Variants in CARNMT1 observed in about 807,000 individuals in gnomAD.
CARNMT1 encodes the protein carnosine N-methyltransferase 1.
CARNMT1 carries 28 observed loss-of-function variants against 49.6 expected under a neutral mutation model. The ratio of observed to expected loss-of-function variants is 0.56; its 90% CI spans 0.42 to 0.77. The LOEUF (loss-of-function observed/expected upper bound fraction) is 0.77, where lower values mean the gene tolerates loss of function less well. CARNMT1 is among the 30% of genes least tolerant of loss of function. The pLI is 0.00. For missense variants in CARNMT1, 421 were observed against 512.6 expected, an observed-to-expected ratio of 0.82 and a Z score of 1.73; for synonymous variants, 178 against 175.0, an observed-to-expected ratio of 1.02 and a Z score of -0.13.
At position 75,028,288 on chromosome 9, in the gene CARNMT1, G is replaced by A. The variant is rs919350306; in HGVS notation, c.-47C>T. On this transcript the variant is annotated 5_prime_UTR_variant, in exon 1 of 8. Transcript: ENST00000376834. ...GGCTCGCTTGCGTCTCTCCGCGACC[G>A]ACAGCGTGGTGGCGGCTGCTTGGCC... 6.7e-6 allele frequency: 9 copies of A among 1,340,164 alleles called. No homozygotes were observed. In the Admixed American group the frequency reaches 2.1e-4, roughly 31 times the overall value. 83.0% of individuals were successfully genotyped at this position (1,340,164 alleles called of 1,614,324 possible).
intron 6 of CARNMT1, chr9:74,991,770 G>C (rs987482695): frequency 1.3e-5 from 2 of 152,032 alleles, no homozygotes; most frequent in African/African-American, 4.8e-5. Flanking sequence ...AGAGTTATTC[G>C]GGTAAGGTGG....
Position 74,980,855 on chromosome 9 carries a change from T to C in CARNMT1, c.*2912A>G, listed in dbSNP as rs1047053475. 2.0e-5 allele frequency among the ~76,000 whole-genome samples: 3 copies of C among 152,166 alleles called. No homozygotes were observed. Among genetic ancestry groups the C allele is most frequent in the Non-Finnish European group, 4.4e-5 (3 of 68,010 alleles). On this transcript the variant is annotated 3_prime_UTR_variant, in exon 8 of 8. Transcript: ENST00000376834. ...TTGAATGAAACAAAGTGAAAATAGT[T>C]AGTATAAGGCCTGGCATATTATAAG...
At chr9:74,993,525 A>G (rs1833095115) in intron 6 of CARNMT1, among the ~76,000 whole-genome samples, 2 of 152,192 alleles carry the variant, frequency 1.3e-5, no homozygotes, top group Non-Finnish European at 2.9e-5. Flanking sequence ...AGGGCCGAAG[A>G]CAACTTGAAG....
intron 3 of CARNMT1, among the ~76,000 whole-genome samples, chr9:75,012,645 T>C (rs1833729706): frequency 6.6e-6 from 1 of 152,110 alleles, no homozygotes; most frequent in African/African-American, 2.4e-5. Flanking sequence ...GAATGATCCA[T>C]GCCCAAATAC....
intron 4 of CARNMT1, 99 bp from the exon 5 acceptor site, chr9:74,998,875 T>C (rs1022486233): frequency 3.1e-6 from 2 of 651,622 alleles, no homozygotes; most frequent in East Asian, 6.2e-5. Context: ...AAGATTTGCA[T>C]ATATAATTAA....
At chr9:75,027,014 TA>T in intron 1 of CARNMT1, 1 of 1,159,364 alleles carries the variant, frequency 8.6e-7, no homozygotes, top group Non-Finnish European at 1.2e-6. Flanking sequence ...AAACTTTGCA[TA>T]AAGCACAGCA....
chr9:75,011,329 C>T (rs1183272603), intron 3 of CARNMT1, among the ~76,000 whole-genome samples: 1 of 152,178 alleles, frequency 6.6e-6, no homozygotes. Flanking sequence ...TTCTACCCAA[C>T]AGAATATGGC....
intron 1 of CARNMT1, among the ~76,000 whole-genome samples, chr9:75,023,384 C>A (rs1822435046): frequency 6.6e-6 from 1 of 152,132 alleles, no homozygotes; most frequent in Non-Finnish European, 1.5e-5. Flanking sequence ...CCACGGGTGC[C>A]ACTTTTGGTT....
chr9:75,028,091 T>C lies in CARNMT1; in HGVS notation c.151A>G (p.Thr51Ala), dbSNP rs200378073. ...AAVSAAAAAA[T>A]RSTEEEEERL... ...TCCTCCTCCTCCTCGGTGCTGCGCG[T>C]GGCCGCCGCCGCTGCCGCCGAAACC... is the stretch of plus-strand genomic sequence containing the variant. Residue 51 changes from threonine to alanine, a missense_variant, in exon 1 of 8, where the codon ACG (threonine) becomes GCG (alanine). This residue lies in a region of CARNMT1 where 186 missense variants were observed against 167.9 expected (regional missense o/e 1.11). Transcript: ENST00000376834. The C allele has an allele frequency of 3.2e-6, 5 of 1,557,164 alleles. No individual in the cohort carries two copies. In the African/African-American group the frequency reaches 4.2e-5, roughly 13 times the overall value.
At chr9:75,001,513 C>T (rs1341849892) in intron 3 of CARNMT1, among the ~76,000 whole-genome samples, 1 of 152,088 alleles carries the variant, frequency 6.6e-6, no homozygotes, top group African/African-American at 2.4e-5. Context: ...TATCAAAGTC[C>T]TATCTTAAGA....
chr9:75,006,623 T>C (rs1833518636), intron 3 of CARNMT1, among the ~76,000 whole-genome samples: 1 of 152,190 alleles, frequency 6.6e-6, no homozygotes. Context: ...ACAATTACTT[T>C]CAGGAAAGGA....
At chr9:75,015,090 T>C (rs949415558) in intron 3 of CARNMT1, among the ~76,000 whole-genome samples, 7 of 152,180 alleles carry the variant, frequency 4.6e-5, no homozygotes, top group Non-Finnish European at 5.9e-5. Context: ...GGACAGAGGT[T>C]AGGTGGATTA....
intron 6 of CARNMT1, among the ~76,000 whole-genome samples, chr9:74,992,883 A>G (rs1833070849): frequency 6.6e-6 from 1 of 152,236 alleles, no homozygotes; most frequent in African/African-American, 2.4e-5. Context: ...GGGTTAGGGT[A>G]AAATCATCCC....
chr9:75,013,776 G>A (rs1017884015), intron 3 of CARNMT1, among the ~76,000 whole-genome samples: 1 of 152,130 alleles, frequency 6.6e-6, no homozygotes, highest in Non-Finnish European at 1.5e-5. Flanking sequence ...GGCAGAGGCA[G>A]GAGGATCACT....
chr9:75,014,428 T>C lies in CARNMT1; in HGVS notation c.590+1840A>G, dbSNP rs571378844. 4.6e-5 allele frequency among the ~76,000 whole-genome samples: 7 copies of C among 152,310 alleles called. No individual in the cohort carries two copies. The East Asian group carries it at 1.3e-3, about 29-fold the overall frequency. On this transcript the variant is annotated intron_variant, in intron 3 of 7. Coordinates refer to ENST00000376834, the MANE Select transcript of CARNMT1 (RefSeq NM_152420.3). ...GGACTGGAATTAAGAGTTATCAGTA[T>C]GAACCACAGTAAATTATGAAACTTG...
chr9:75,008,112 A>C (rs551516714), intron 3 of CARNMT1, among the ~76,000 whole-genome samples: 17 of 142,186 alleles, frequency 1.2e-4, no homozygotes, highest in African/African-American at 3.9e-4. Context: ...CCTGGGCCAC[A>C]CTGGAAGAAT....
chr9:74,988,945 G>C (rs1564091326), intron 6 of CARNMT1, among the ~76,000 whole-genome samples: 1 of 152,106 alleles, frequency 6.6e-6, no homozygotes, highest in African/African-American at 2.4e-5. Flanking sequence ...CCCACTAACA[G>C]AACAAGAGCA....
At chr9:75,004,543 T>G (rs1833449209) in intron 3 of CARNMT1, among the ~76,000 whole-genome samples, 1 of 152,226 alleles carries the variant, frequency 6.6e-6, no homozygotes, top group South Asian at 2.1e-4. Context: ...GGGAGAAATC[T>G]ATCTTTAGTC....
At chr9:74,985,149 A>C in intron 6 of CARNMT1, 139 bp from the exon 7 acceptor site, 1 of 636,842 alleles carries the variant, frequency 1.6e-6, no homozygotes, top group Non-Finnish European at 2.7e-6. Flanking sequence ...AAATGCCCAG[A>C]CCTCTGAAAA....
Sources: gnomAD v4.1 joint callset for allele counts (sites outside exome capture counted in the v4.1 genomes callset) on GRCh38, gnomAD v4.1.1 for gene constraint, gnomAD v4.1.1 regional missense constraint, MANE v1.5 for transcripts, NCBI Gene and HGNC (gene_info 2026-07-23, HGNC 2026-07-21) for gene names.